Variants in SETX observed in about 807,000 individuals in gnomAD.
SETX encodes the protein helicase senataxin.
A neutral mutation model predicts 227.2 loss-of-function variants in SETX; 90 were observed. The ratio of observed to expected loss-of-function variants is 0.40; its 90% CI spans 0.33 to 0.47. The LOEUF is 0.47. SETX is among the 20% of genes least tolerant of loss of function. The probability of loss-of-function intolerance (pLI) is 0.91; values close to 1 mark genes in which losing one functional copy is unlikely to be tolerated. For synonymous variants in SETX, 1,210 were observed against 1,113.2 expected, an observed-to-expected ratio of 1.09 and a Z score of -1.73; for missense variants, 3,052 against 3,181.5, an observed-to-expected ratio of 0.96 and a Z score of 0.98.
At position 132,310,453 on chromosome 9, in the gene SETX, T is replaced by C. The variant is rs146761866; in HGVS notation, c.5374+1304A>G. 1.4e-3 allele frequency among the ~76,000 whole-genome samples: 210 copies of C among 152,340 alleles called. 1 individual carries two copies. Among genetic ancestry groups the C allele is most frequent in the African/African-American group, 4.8e-3 (199 of 41,578 alleles). On this transcript the variant is annotated intron_variant, in intron 11 of 25. Coordinates refer to ENST00000224140, the MANE Select transcript of SETX (RefSeq NM_015046.7). ...ACACTAAGAGATACATGGGTGATCA[T>C]AGTAGCATTATTCATAACATGCTGT...
chr9:132,335,066 C>T (rs1847502946), intron 6 of SETX, among the ~76,000 whole-genome samples: 1 of 151,866 alleles, frequency 6.6e-6, no homozygotes, highest in Non-Finnish European at 1.5e-5. Flanking sequence ...TGACACGTGA[C>T]CTTAAGATTT....
Position 132,288,628 on chromosome 9 carries a change from C to T in SETX, c.6130G>A (p.Val2044Ile). Residue 2044 changes from valine to isoleucine, a missense_variant, in exon 16 of 26, where the codon GTA (valine) becomes ATA (isoleucine). Around this residue, in one of 10 missense-constraint regions of SETX, gnomAD observed 412 missense variants for 589.0 expected, o/e 0.70. Transcript: ENST00000224140. The part of the protein sequence containing the change: ...PLGNCGDINL[V>I]RLGPEKSINS... ...ATAGACTTTTCTGGACCCAGTCGTA[C>T]TAAATTTATATCTCCACAGTTTCCT... 1 of 1,613,436 alleles carries T rather than the reference C, an allele frequency of 6.2e-7. No individual in the cohort carries two copies. The highest frequency in any genetic ancestry group is 1.1e-5 in the South Asian group (1 of 91,060).
chr9:132,274,952 T>C (rs1263118192), intron 23 of SETX: 1 of 368,388 alleles, frequency 2.7e-6, no homozygotes, highest in Non-Finnish European at 4.9e-6. Context: ...ATGTTACTTT[T>C]AGTCTTGCTA....
chr9:132,315,786 T>C (rs1845930382), intron 10 of SETX, among the ~76,000 whole-genome samples: 1 of 152,170 alleles, frequency 6.6e-6, no homozygotes, highest in East Asian at 1.9e-4. Context: ...CTCCGGTTCG[T>C]GATGCAGTGT....
At position 132,278,276 on chromosome 9, in the gene SETX, A is replaced by T; in HGVS notation, c.6655-19T>A. On this transcript the variant is annotated intron_variant, in intron 20 of 25. Coordinates refer to ENST00000224140, the MANE Select transcript of SETX (RefSeq NM_015046.7). Reference sequence around the variant, plus strand: ...GTGCTTTCTGTGAGGGGCAAAATAAAGCAACAGTTTCCAAGAATTCATTTA... The same window carrying T: ...GTGCTTTCTGTGAGGGGCAAAATAATGCAACAGTTTCCAAGAATTCATTTA... 1 of 1,613,166 alleles carries T rather than the reference A, an allele frequency of 6.2e-7. No individual in the cohort carries two copies. The highest frequency in any genetic ancestry group is 8.5e-7 in the Non-Finnish European group (1 of 1,179,214).
chr9:132,333,389 AAAAAAAAAG>A lies in SETX; in HGVS notation c.838+1210_838+1218del, dbSNP rs1476086337. Among the ~76,000 whole-genome samples the A allele has an allele frequency of 1.8e-3, 95 of 52,942 alleles. 1 individual carries two copies. The highest frequency in any genetic ancestry group is 3.7e-3 in the African/African-American group (33 of 9,016). The allele number at this position is 52,942 out of a possible 152,430, so 34.7% of individuals were successfully genotyped here. ...AAAGACTTGGTCTCAAAAAGAAAAA[AAAAAAAAAG>A]AAAAAAAAAAATATATATACACACA... On this transcript the variant is annotated intron_variant, in intron 7 of 25. Transcript: ENST00000224140.
At chr9:132,296,147 T>C in intron 14 of SETX, 119 bp from the exon 15 acceptor site, 1 of 1,286,456 alleles carries the variant, frequency 7.8e-7, no homozygotes. Flanking sequence ...CGTAATAAAG[T>C]TAAAAATAAA....
Position 132,328,733 on chromosome 9 carries a change from A to G in SETX, c.2865T>C (p.Asp955=), listed in dbSNP as rs368932478. The change falls in exon 10 of 26, where the codon GAT becomes GAC. Residue 955 remains aspartate, a synonymous_variant. Coordinates refer to ENST00000224140, the MANE Select transcript of SETX (RefSeq NM_015046.7). ...TGTGAAGGTCTCTGTCTATCTGAGA[A>G]TCCGTTAAGGTGTCAGATTTAGGAC... The part of the protein sequence containing the change: ...DISPKSDTLT[D]SQIDRDLHKL... 1.3e-5 allele frequency: 21 copies of G among 1,613,406 alleles called. No homozygotes were observed. In the African/African-American group the frequency reaches 2.4e-4, roughly 18 times the overall value.
At chr9:132,310,206 A>C (rs1845574126) in intron 11 of SETX, among the ~76,000 whole-genome samples, 1 of 152,246 alleles carries the variant, frequency 6.6e-6, no homozygotes, top group Non-Finnish European at 1.5e-5. Context: ...AAAAGCCCAC[A>C]AAACACCATC....
At chr9:132,334,943 T>C (rs921316089) in intron 6 of SETX, among the ~76,000 whole-genome samples, 1 of 152,130 alleles carries the variant, frequency 6.6e-6, no homozygotes, top group African/African-American at 2.4e-5. Context: ...GAAAACAATT[T>C]CTAACATAAC....
intron 5 of SETX, among the ~76,000 whole-genome samples, chr9:132,340,103 T>C (rs538697365): frequency 2.6e-5 from 4 of 152,310 alleles, no homozygotes; most frequent in African/African-American, 4.8e-5. Context: ...TTCTCTTGGC[T>C]GTACCCACTG....
At chr9:132,282,944 G>A (rs1268430973) in intron 19 of SETX, 1 of 374,328 alleles carries the variant, frequency 2.7e-6, no homozygotes, top group East Asian at 6.5e-5. Flanking sequence ...GTGGCTCAAA[G>A]CTATCCAAAA....
At chr9:132,279,471 G>A (rs1281636445) in intron 20 of SETX, among the ~76,000 whole-genome samples, 1 of 152,138 alleles carries the variant, frequency 6.6e-6, no homozygotes, top group Non-Finnish European at 1.5e-5. Context: ...GTAAAAATGT[G>A]CTGAAAACTT....
chr9:132,281,577 T>C lies in SETX; in HGVS notation c.6547-3A>G, dbSNP rs1391884230. Reference sequence around the variant, plus strand: ...TCAATTTCACAAGACTGTCCAGCCTTGGTAAGATACAGAAGAGAGAGGCAG... The same window carrying C: ...TCAATTTCACAAGACTGTCCAGCCTCGGTAAGATACAGAAGAGAGAGGCAG... On this transcript the variant is annotated splice_region_variant and splice_polypyrimidine_tract_variant and intron_variant, in intron 19 of 25. Transcript: ENST00000224140. 30 of 1,601,328 alleles carry C rather than the reference T, an allele frequency of 1.9e-5. No individual in the cohort carries two copies. The highest frequency in any genetic ancestry group is 2.6e-5 in the Non-Finnish European group (30 of 1,168,408).
Position 132,346,475 on chromosome 9 carries a change from G to A in SETX, c.178-4C>T. On this transcript the variant is annotated splice_polypyrimidine_tract_variant and splice_region_variant and intron_variant, in intron 3 of 25. Coordinates refer to ENST00000224140, the MANE Select transcript of SETX (RefSeq NM_015046.7). Reference sequence around the variant, plus strand: ...AGGTTTCTAATTCCCATAAAACCTAGAGGAAAATAAAATGGGCAGTGTGCG... The same window carrying A: ...AGGTTTCTAATTCCCATAAAACCTAAAGGAAAATAAAATGGGCAGTGTGCG... 1.2e-6 allele frequency: 2 copies of A among 1,600,140 alleles called. No individual in the cohort carries two copies. The highest frequency in any genetic ancestry group is 2.2e-5 in the South Asian group (2 of 90,302).
At chr9:132,316,144 G>A (rs1008324820) in intron 10 of SETX, among the ~76,000 whole-genome samples, 3 of 152,076 alleles carry the variant, frequency 2.0e-5, no homozygotes, top group Admixed American at 6.5e-5. Flanking sequence ...TTCTTCTGAC[G>A]AGGCTACGCA....
intron 2 of SETX, among the ~76,000 whole-genome samples, chr9:132,351,611 C>T (rs1317664955): frequency 6.6e-6 from 1 of 152,162 alleles, no homozygotes; most frequent in Non-Finnish European, 1.5e-5. Flanking sequence ...ACATGTGCTT[C>T]CATGGTTCTT....
intron 10 of SETX, among the ~76,000 whole-genome samples, chr9:132,314,903 TG>T: frequency 1.4e-5 from 2 of 141,536 alleles, no homozygotes; most frequent in African/African-American, 5.4e-5. Flanking sequence ...ATTATTTTAT[TG>T]TGTTTTTTTT....
chr9:132,264,270 T>TC lies in SETX; in HGVS notation c.8002dup (p.Asp2668GlyfsTer27). 1 of 1,614,200 alleles carries TC rather than the reference T, an allele frequency of 6.2e-7. No individual in the cohort carries two copies. The highest frequency in any genetic ancestry group is 8.5e-7 in the Non-Finnish European group (1 of 1,180,026). On this transcript the variant is annotated frameshift_variant, in exon 26 of 26. Coordinates refer to ENST00000224140, the MANE Select transcript of SETX (RefSeq NM_015046.7). LOFTEE classifies it high-confidence loss of function. The stretch of plus-strand genomic sequence containing the variant: ...AAGCTTTCTTTTCTTGGAACTGCTG[T>TC]CCTCCTGCTCCAGTGTCCTCTTGTC...
Sources: gnomAD v4.1 joint callset for allele counts (sites outside exome capture counted in the v4.1 genomes callset) on GRCh38, gnomAD v4.1.1 for gene constraint, gnomAD v4.1.1 regional missense constraint, MANE v1.5 for transcripts, NCBI Gene and HGNC (gene_info 2026-07-23, HGNC 2026-07-21) for gene names.